WFDC9: variants seen among roughly 807,000 people sequenced by gnomAD.
WFDC9 encodes WAP four-disulfide core domain 9.
A neutral mutation model predicts 9.5 loss-of-function variants in WFDC9; 9 were observed. That is an observed-to-expected ratio of 0.95 (90% confidence interval 0.57 to 1.65). WFDC9 has a LOEUF of 1.65. Ranked by LOEUF, WFDC9 falls within the 40% of genes most tolerant of loss-of-function variation. The pLI, the probability that WFDC9 is intolerant of heterozygous loss-of-function variation, is 0.00. For synonymous variants in WFDC9, 33 were observed against 32.3 expected (o/e 1.02, Z -0.07); for missense variants, 87 against 106.7 (o/e 0.82, Z 0.81).
chr20:45,618,518 G>T (rs968746655), intron 1 of WFDC9, among the ~76,000 whole-genome samples: 2 of 152,190 alleles, frequency 1.3e-5, no homozygotes, highest in African/African-American at 2.4e-5. Context: ...AGTGAGAAAT[G>T]TGGGACTCTT....
At chr20:45,629,652 A>C (rs916518199) in intron 1 of WFDC9, 3 of 871,846 alleles carry the variant, frequency 3.4e-6, no homozygotes, top group Admixed American at 3.0e-5. Context: ...AGGGGCAAGC[A>C]AAAAGAGGAA....
chr20:45,610,063 G>A lies in WFDC9; in HGVS notation c.91+28C>T, dbSNP rs765616183. The A allele has an allele frequency of 3.1e-6, 5 of 1,588,906 alleles. No individual in the cohort carries two copies. In the Admixed American group the frequency reaches 8.3e-5, roughly 27 times the overall value. On this transcript the variant is annotated intron_variant, in intron 3 of 4. Coordinates refer to ENST00000326000, the MANE Select transcript of WFDC9 (RefSeq NM_147198.4). ...AATAGACATCCCAGGACTGGGCAGA[G>A]CACCCCGTCCCTTTTCACACCACCC...
intron 1 of WFDC9, among the ~76,000 whole-genome samples, chr20:45,620,266 G>T (rs764489362): frequency 7.2e-5 from 11 of 152,022 alleles, no homozygotes; most frequent in Non-Finnish European, 1.3e-4. Flanking sequence ...AATTTTTTAG[G>T]CTTTCTTTGT....
At chr20:45,611,147 C>T (rs568503142) in intron 2 of WFDC9, among the ~76,000 whole-genome samples, 31 of 152,294 alleles carry the variant, frequency 2.0e-4, no homozygotes, top group African/African-American at 6.7e-4. Flanking sequence ...AGCACAGAAC[C>T]AGCTCATGAT....
At chr20:45,616,027 G>T (rs898331629) in intron 1 of WFDC9, among the ~76,000 whole-genome samples, 1 of 152,150 alleles carries the variant, frequency 6.6e-6, no homozygotes, top group African/African-American at 2.4e-5. Flanking sequence ...GAGGGTTGGG[G>T]TAGCTGTGGC....
At chr20:45,631,041 G>A (rs376065165) in intron 1 of WFDC9, 162 bp downstream of exon 1, 21 of 1,566,068 alleles carry the variant, frequency 1.3e-5, no homozygotes, top group Non-Finnish European at 1.8e-5. Context: ...GCTGGGATGT[G>A]CATCCTGCTT....
At position 45,610,192 on chromosome 20, in the gene WFDC9, G is replaced by C. The variant is rs1479209125; in HGVS notation, c.-11C>G. 6.2e-7 allele frequency: 1 copy of C among 1,613,072 alleles called. No homozygotes were observed. Among genetic ancestry groups the C allele is most frequent in the Non-Finnish European group, 8.5e-7 (1 of 1,179,398 alleles). On this transcript the variant is annotated 5_prime_UTR_variant, in exon 3 of 5. Coordinates refer to ENST00000326000, the MANE Select transcript of WFDC9 (RefSeq NM_147198.4). ...AATCCAGGGCTTCATGGTGCTCTCT[G>C]TGTGTATTTGGGTTAAGTTCTGGCA...
chr20:45,630,997 T>C lies in WFDC9; in HGVS notation c.-153+206A>G, dbSNP rs762149200. ...TATGCTGTTCTACCTACTGTGGGAA[T>C]GTTTGCATGAGCATCCTGTGAGTGG... On this transcript the variant is annotated intron_variant, in intron 1 of 4. Coordinates refer to ENST00000326000, the MANE Select transcript of WFDC9 (RefSeq NM_147198.4). The C allele has an allele frequency of 1.9e-5, 30 of 1,604,042 alleles. No homozygotes were observed. The Admixed American group carries it at 4.6e-4, about 25-fold the overall frequency.
At chr20:45,626,023 T>G (rs193163357) in intron 1 of WFDC9, among the ~76,000 whole-genome samples, 1 of 151,908 alleles carries the variant, frequency 6.6e-6, no homozygotes, top group Non-Finnish European at 1.5e-5. Flanking sequence ...GGTTTTGCTA[T>G]GTTGGCCAGG....
rs375051511 is a variant in WFDC9 at position 45,624,880 on chromosome 20, GTCT to G, written c.-153+6320_-153+6322del. The stretch of plus-strand genomic sequence containing the variant: ...TCATATATTTGTTGGTCATTTGTAT[GTCT>G]TCTTTTGTGAATTGTCTGTTCAGAT... On this transcript the variant is annotated intron_variant, in intron 1 of 4. Transcript: ENST00000326000. Among the ~76,000 whole-genome samples, 533 of 152,194 alleles carry G rather than the reference GTCT, an allele frequency of 3.5e-3. 1 individual carries two copies. Among genetic ancestry groups the G allele is most frequent in the African/African-American group, 0.012 (500 of 41,504 alleles).
At chr20:45,617,281 C>A (rs1389418315) in intron 1 of WFDC9, among the ~76,000 whole-genome samples, 4 of 152,098 alleles carry the variant, frequency 2.6e-5, no homozygotes, top group Non-Finnish European at 5.9e-5. Context: ...ATGGTGAAAC[C>A]CCATCTCTAC....
At chr20:45,630,455 CAA>C (rs1428925881) in intron 1 of WFDC9, among the ~76,000 whole-genome samples, 1 of 152,032 alleles carries the variant, frequency 6.6e-6, no homozygotes, top group East Asian at 1.9e-4. Context: ...GAGGGAGAGA[CAA>C]GAGGCATGTT....
At chr20:45,626,628 A>AT (rs1214992096) in intron 1 of WFDC9, among the ~76,000 whole-genome samples, 1 of 152,018 alleles carries the variant, frequency 6.6e-6, no homozygotes, top group Non-Finnish European at 1.5e-5. Flanking sequence ...TTGTATGTTT[A>AT]TTTTGTATCC....
intron 1 of WFDC9, among the ~76,000 whole-genome samples, chr20:45,622,237 G>A (rs781091415): frequency 1.3e-5 from 2 of 151,900 alleles, no homozygotes; most frequent in Non-Finnish European, 2.9e-5. Context: ...TCTAATCTCA[G>A]TCTGATTATT....
intron 1 of WFDC9, chr20:45,629,934 G>A (rs1982316010): frequency 1.2e-6 from 2 of 1,610,286 alleles, no homozygotes; most frequent in African/African-American, 2.7e-5. Context: ...ATGGGTGAGG[G>A]GGAATTGGGT....
Position 45,608,064 on chromosome 20 carries a change from C to T in WFDC9, c.*46G>A, listed in dbSNP as rs1467896152. 2.5e-6 allele frequency: 4 copies of T among 1,610,876 alleles called. No individual in the cohort carries two copies. Among genetic ancestry groups the T allele is most frequent in the Non-Finnish European group, 3.4e-6 (4 of 1,177,782 alleles). Reference sequence around the variant, plus strand: ...GGAAGTAGGCAGCACTCTTCTTAGACCAGATGGTCATCCTTCAGCCCACAG... The same window carrying T: ...GGAAGTAGGCAGCACTCTTCTTAGATCAGATGGTCATCCTTCAGCCCACAG... On this transcript the variant is annotated 3_prime_UTR_variant, in exon 5 of 5. Transcript: ENST00000326000.
At chr20:45,613,839 G>C (rs1219811461) in intron 2 of WFDC9, among the ~76,000 whole-genome samples, 1 of 152,174 alleles carries the variant, frequency 6.6e-6, no homozygotes, top group East Asian at 1.9e-4. Flanking sequence ...TGGCAAGACA[G>C]GTGAACCATG....
chr20:45,619,779 C>T (rs1008114953), intron 1 of WFDC9, among the ~76,000 whole-genome samples: 1 of 152,164 alleles, frequency 6.6e-6, no homozygotes, highest in Non-Finnish European at 1.5e-5. Flanking sequence ...AATCCCAGCA[C>T]TTTGGGAGGC....
chr20:45,612,288 G>T (rs1466580620), intron 2 of WFDC9, among the ~76,000 whole-genome samples: 5 of 151,876 alleles, frequency 3.3e-5, no homozygotes, highest in African/African-American at 1.2e-4. Context: ...GTGTGTGGAG[G>T]GAGACAGGGG....
Sources: gnomAD v4.1 joint callset for allele counts (sites outside exome capture counted in the v4.1 genomes callset) on GRCh38, gnomAD v4.1.1 for gene constraint, MANE v1.5 for transcripts, NCBI Gene and HGNC (gene_info 2026-07-23, HGNC 2026-07-21) for gene names.